Variants in FAT3 observed in about 807,000 individuals in gnomAD.
FAT3 encodes the protein protocadherin Fat 3.
FAT3 carries 95 observed loss-of-function variants against 310.2 expected under a neutral mutation model. That is an observed-to-expected ratio of 0.31 (90% confidence interval 0.26 to 0.36). FAT3 has a LOEUF of 0.36. FAT3 is among the 10% of genes least tolerant of loss of function. The pLI is 1.00. For synonymous variants in FAT3, 2,314 were observed against 2,192.9 expected, an observed-to-expected ratio of 1.06 and a Z score of -1.54; for missense variants, 5,408 against 5,715.6, an observed-to-expected ratio of 0.95 and a Z score of 1.74.
chr11:92,315,512 T>TAGAGAGAGAG (rs374021850), intron 1 of FAT3, among the ~76,000 whole-genome samples: 31 of 56,170 alleles, frequency 5.5e-4, no homozygotes, highest in African/African-American at 1.2e-3. Flanking sequence ...TATATATATA[T>TAGAGAGAGAG]AGAGAGAGAG....
intron 3 of FAT3, among the ~76,000 whole-genome samples, chr11:92,684,887 A>T (rs1016257504): frequency 6.6e-6 from 1 of 152,166 alleles, no homozygotes; most frequent in Non-Finnish European, 1.5e-5. Flanking sequence ...CATCTTTTCT[A>T]TAAGACATGG....
rs975932055 is a variant in FAT3 at position 92,268,942 on chromosome 11, C to A, written c.-18+43768C>A. ...TTGAAGCTATTATTTTTTTCCATTTCAGCCTTTTACTTTGTATGGGAAAAA... is the reference window on the plus strand; with the variant it reads ...TTGAAGCTATTATTTTTTTCCATTTAAGCCTTTTACTTTGTATGGGAAAAA... On this transcript the variant is annotated intron_variant, in intron 1 of 27. Coordinates refer to ENST00000525166, the MANE Select transcript of FAT3 (RefSeq NM_001367949.2). 2.6e-5 allele frequency among the ~76,000 whole-genome samples: 4 copies of A among 152,136 alleles called. No homozygotes were observed. In the South Asian group the frequency reaches 6.2e-4, roughly 24 times the overall value.
At chr11:92,757,494 G>A (rs1050238425) in intron 4 of FAT3, among the ~76,000 whole-genome samples, 8 of 152,118 alleles carry the variant, frequency 5.3e-5, no homozygotes, top group African/African-American at 1.9e-4. Flanking sequence ...GTTTTGCTTT[G>A]ATCTTCACTG....
chr11:92,643,082 C>T (rs1412449721), intron 3 of FAT3, among the ~76,000 whole-genome samples: 3 of 152,198 alleles, frequency 2.0e-5, no homozygotes, highest in South Asian at 2.1e-4. Context: ...TTTCTTATAA[C>T]GAAGCCAAAT....
At chr11:92,358,000 A>C (rs12806465) in intron 2 of FAT3, among the ~76,000 whole-genome samples, 28,313 of 117,226 alleles carry the variant, frequency 0.24, 2,883 homozygotes, top group African/African-American at 0.51. Context: ...GGAATTCCTA[A>C]AAAAAAAAAA....
chr11:92,253,892 C>T (rs1865220189), intron 1 of FAT3, among the ~76,000 whole-genome samples: 1 of 152,118 alleles, frequency 6.6e-6, no homozygotes, highest in South Asian at 2.1e-4. Flanking sequence ...GAAAAGATCA[C>T]ATTGCAAATT....
intron 1 of FAT3, among the ~76,000 whole-genome samples, chr11:92,279,054 A>T (rs1192726537): frequency 6.6e-6 from 1 of 152,186 alleles, no homozygotes; most frequent in African/African-American, 2.4e-5. Flanking sequence ...AGTGGGTGAA[A>T]TCCCAGCATG....
At chr11:92,386,062 C>T (rs761815381) in intron 2 of FAT3, among the ~76,000 whole-genome samples, 3 of 149,388 alleles carry the variant, frequency 2.0e-5, no homozygotes, top group African/African-American at 7.3e-5. Context: ...GTGGAAGGAT[C>T]GCTTGAGCCT....
chr11:92,853,148 C>T (rs1948876752), intron 19 of FAT3, among the ~76,000 whole-genome samples: 1 of 152,212 alleles, frequency 6.6e-6, no homozygotes, highest in African/African-American at 2.4e-5. Context: ...GTGTGTGGGC[C>T]ACTGCGCACA....
intron 19 of FAT3, among the ~76,000 whole-genome samples, chr11:92,848,014 G>A (rs969622457): frequency 2.6e-5 from 4 of 151,930 alleles, no homozygotes; most frequent in Non-Finnish European, 4.4e-5. Flanking sequence ...CTAGGAGGTC[G>A]GCAGATTCAT....
chr11:92,357,697 A>T (rs544580119), intron 2 of FAT3, among the ~76,000 whole-genome samples: 112 of 151,488 alleles, frequency 7.4e-4, no homozygotes, highest in African/African-American at 1.2e-3. Flanking sequence ...TTTTTTTTTT[A>T]AAATCAGGAA....
At chr11:92,269,761 A>G (rs578216661) in intron 1 of FAT3, among the ~76,000 whole-genome samples, 1 of 152,240 alleles carries the variant, frequency 6.6e-6, no homozygotes, top group African/African-American at 2.4e-5. Context: ...GGGAGGAAAT[A>G]ATTTTCAGAA....
chr11:92,732,908 G>A (rs1945225302), intron 4 of FAT3, among the ~76,000 whole-genome samples: 3 of 152,168 alleles, frequency 2.0e-5, no homozygotes, highest in South Asian at 2.1e-4. Context: ...TCACTTGGAC[G>A]GTGGAAAGGT....
intron 3 of FAT3, among the ~76,000 whole-genome samples, chr11:92,666,559 A>G (rs1389129740): frequency 6.8e-6 from 1 of 146,016 alleles, no homozygotes; most frequent in Non-Finnish European, 1.5e-5. Context: ...ACGGGGTTTC[A>G]CCATGTTAGC....
chr11:92,861,800 C>T (rs899740404), intron 21 of FAT3, among the ~76,000 whole-genome samples: 10 of 152,340 alleles, frequency 6.6e-5, no homozygotes, highest in Non-Finnish European at 1.3e-4. Flanking sequence ...ATGTGCCTTG[C>T]ACTTTGGTTC....
intron 3 of FAT3, among the ~76,000 whole-genome samples, chr11:92,526,071 CAA>C (rs2135366830): frequency 6.6e-6 from 1 of 152,214 alleles, no homozygotes; most frequent in Admixed American, 6.5e-5. Flanking sequence ...TATTGTAAGA[CAA>C]AGAGAGTAGT....
At chr11:92,229,804 T>C (rs1590977268) in intron 1 of FAT3, among the ~76,000 whole-genome samples, 2 of 150,858 alleles carry the variant, frequency 1.3e-5, no homozygotes, top group Non-Finnish European at 3.0e-5. Context: ...TCTTTTTTTT[T>C]TTTTTTTTCT....
chr11:92,253,442 C>T (rs1191467219), intron 1 of FAT3, among the ~76,000 whole-genome samples: 1 of 152,086 alleles, frequency 6.6e-6, no homozygotes, highest in Non-Finnish European at 1.5e-5. Flanking sequence ...GATCTATCGT[C>T]AACTTGGCAT....
intron 22 of FAT3, among the ~76,000 whole-genome samples, chr11:92,870,762 A>G (rs1949365635): frequency 6.6e-6 from 1 of 152,210 alleles, no homozygotes; most frequent in Admixed American, 6.5e-5. Flanking sequence ...CTAACTCCTG[A>G]GCTCCTGAGA....
Sources: gnomAD v4.1 joint callset for allele counts (sites outside exome capture counted in the v4.1 genomes callset) on GRCh38, gnomAD v4.1.1 for gene constraint, MANE v1.5 for transcripts, NCBI Gene and HGNC (gene_info 2026-07-23, HGNC 2026-07-21) for gene names.